Variants in RPH3AL observed in about 807,000 individuals in gnomAD.
RPH3AL encodes the protein rab effector Noc2.
A neutral mutation model predicts 43.1 loss-of-function variants in RPH3AL; 38 were observed. The observed-to-expected ratio is 0.88, with a 90% CI of 0.68 to 1.15. The LOEUF (loss-of-function observed/expected upper bound fraction) is 1.15. Ranked by LOEUF, RPH3AL falls within the 50% of genes most tolerant of loss-of-function variation. The pLI, the probability that RPH3AL is intolerant of heterozygous loss-of-function variation, is 0.00. For missense variants in RPH3AL, 462 were observed against 423.2 expected, an observed-to-expected ratio of 1.09 and a Z score of -0.81; for synonymous variants, 189 against 176.3, an observed-to-expected ratio of 1.07 and a Z score of -0.57.
At chr17:219,600 C>A in intron 8 of RPH3AL, 23 bp downstream of exon 8, 1 of 1,464,254 alleles carries the variant, frequency 6.8e-7, no homozygotes, top group Non-Finnish European at 9.5e-7. Flanking sequence ...GGCCAATAAG[C>A]AGCATTTCAC....
intron 7 of RPH3AL, among the ~76,000 whole-genome samples, chr17:241,954 T>TA (rs1300286612): frequency 6.6e-6 from 1 of 151,882 alleles, no homozygotes; most frequent in African/African-American, 2.4e-5. Context: ...CCGTCTCTAC[T>TA]AAAAATACAA....
chr17:223,582 T>C (rs920127003), intron 7 of RPH3AL, among the ~76,000 whole-genome samples: 1 of 152,198 alleles, frequency 6.6e-6, no homozygotes, highest in Non-Finnish European at 1.5e-5. Flanking sequence ...GCTAGCACGT[T>C]TCATCTGATC....
intron 7 of RPH3AL, among the ~76,000 whole-genome samples, chr17:220,219 A>G (rs1467008928): frequency 1.1e-4 from 16 of 148,254 alleles, no homozygotes; most frequent in South Asian, 2.2e-4. Context: ...GAGACAATAG[A>G]CCCAAAAACA....
chr17:316,503 C>T (rs1373005722), intron 5 of RPH3AL, among the ~76,000 whole-genome samples: 1 of 150,812 alleles, frequency 6.6e-6, no homozygotes, highest in Non-Finnish European at 1.5e-5. Flanking sequence ...CCTGTAGTCT[C>T]TGTGCTCCAC....
At chr17:341,397 C>G (rs755349908) in intron 1 of RPH3AL, 1 of 152,086 alleles carries the variant, frequency 6.6e-6, no homozygotes, top group South Asian at 2.1e-4. Flanking sequence ...CGAGACCATA[C>G]GACGGAGAAA....
At chr17:259,256 A>G (rs2042144538) in intron 6 of RPH3AL, among the ~76,000 whole-genome samples, 1 of 152,234 alleles carries the variant, frequency 6.6e-6, no homozygotes. Context: ...ACACAGGTGT[A>G]TCATCCAGTA....
intron 3 of RPH3AL, 176 bp from the exon 4 acceptor site, chr17:321,591 T>G: frequency 1.9e-6 from 1 of 539,844 alleles, no homozygotes; most frequent in Non-Finnish European, 2.9e-6. Context: ...ATGGCCCAGG[T>G]GGCAACAGAG....
At chr17:271,884 C>T (rs573393275) in intron 6 of RPH3AL, among the ~76,000 whole-genome samples, 251 of 152,182 alleles carry the variant, frequency 1.6e-3, no homozygotes, top group South Asian at 7.5e-3. Flanking sequence ...CCAGAATCTA[C>T]AAAGAACTTA....
chr17:224,719 G>A (rs2041066818), intron 7 of RPH3AL, among the ~76,000 whole-genome samples: 1 of 152,126 alleles, frequency 6.6e-6, no homozygotes, highest in Admixed American at 6.5e-5. Flanking sequence ...CAACCCAAAT[G>A]TCCATCAGTG....
In RPH3AL at chr17:247,147, C is replaced by G. The variant is rs147456712; in HGVS notation, c.577G>C (p.Glu193Gln). Residue 193 changes from glutamate to glutamine, a missense_variant, in exon 7 of 10, where the codon GAG (glutamate) becomes CAG (glutamine). Glu to Gln is a conservative substitution (Grantham distance 29). Coordinates refer to ENST00000331302, the MANE Select transcript of RPH3AL (RefSeq NM_006987.4). ...EPAEREPRSS[E>Q]TSRIYTWARG... ...GCCCACGTGTAGATGCGGCTGGTCT[C>G]AGAGCTTCTGGGCTCTCGCTCTGCC... The G allele has an allele frequency of 1.5e-5, 25 of 1,613,988 alleles. No individual in the cohort carries two copies. The African/African-American group carries it at 2.4e-4, about 16-fold the overall frequency.
intron 1 of RPH3AL, among the ~76,000 whole-genome samples, chr17:344,462 G>A (rs2045198855): frequency 8.6e-6 from 1 of 116,350 alleles, no homozygotes; most frequent in Admixed American, 8.1e-5. Flanking sequence ...CCACTATCAT[G>A]ACCATCACCC....
rs560489006 is a variant in RPH3AL, at chr17:284,282, G to A, written c.352-2428C>T. Among the ~76,000 whole-genome samples, 6 of 152,292 alleles carry A rather than the reference G, an allele frequency of 3.9e-5. 1 individual carries two copies. In the South Asian group the frequency reaches 1.2e-3, roughly 32 times the overall value. On this transcript the variant is annotated intron_variant, in intron 5 of 9. Transcript: ENST00000331302. ...GATGAAGGAACAAAGGCTCAGAGAT[G>A]ACTCGGGCTGCCCGAGGTCACACAG...
In RPH3AL at chr17:321,654, T is replaced by A. The variant is rs2044482366; in HGVS notation, c.78-239A>T. 1.4e-5 allele frequency: 7 copies of A among 490,386 alleles called. No homozygotes were observed. In the South Asian group the frequency reaches 2.2e-4, roughly 15 times the overall value. The allele number at this position is 490,386 out of a possible 1,614,324, so 30.4% of individuals were successfully genotyped here. A position where few individuals can be genotyped will look rare whatever the true frequency, so the allele number is the denominator to read the frequency against. On this transcript the variant is annotated intron_variant, in intron 3 of 9. Coordinates refer to ENST00000331302, the MANE Select transcript of RPH3AL (RefSeq NM_006987.4). The stretch of plus-strand genomic sequence containing the variant: ...CAGGTTCCGTGTGCCGGGGTTGGGA[T>A]TGCGGGCAACAGAGACGGGGCAGGT...
At position 246,439 on chromosome 17, in the gene RPH3AL, C is replaced by T. The variant is rs1433985843; in HGVS notation, c.613+672G>A. Among the ~76,000 whole-genome samples the T allele has an allele frequency of 1.3e-5, 2 of 152,174 alleles. No individual in the cohort carries two copies. The highest frequency in any genetic ancestry group is 6.5e-5 in the Admixed American group (1 of 15,284). On this transcript the variant is annotated intron_variant, in intron 7 of 9. Transcript: ENST00000331302. The surrounding 1 kb of genome is among the most constrained non-coding windows in gnomAD (Gnocchi z 4.8). ...ACCTGCCGAGGAAGTCCCTCCTCTT[C>T]TCTGAGCCGCAGGTACACCCATCTA...
rs138114872 is a variant in RPH3AL, at chr17:248,011, CCAG to C, written c.439-729_439-727del. On this transcript the variant is annotated intron_variant, in intron 6 of 9. Coordinates refer to ENST00000331302, the MANE Select transcript of RPH3AL (RefSeq NM_006987.4). Reference sequence around the variant, plus strand: ...CCACAAGTACCTGCAGGCACCTCACCCAGCCCCCAAGCTCTCCTCCCTGCCAGC... The same window carrying C: ...CCACAAGTACCTGCAGGCACCTCACCCCCCCAAGCTCTCCTCCCTGCCAGC... Among the ~76,000 whole-genome samples the C allele has an allele frequency of 9.2e-5, 14 of 152,250 alleles. No homozygotes were observed. The East Asian group carries it at 2.7e-3, about 29-fold the overall frequency.
intron 4 of RPH3AL, 152 bp downstream of exon 4, chr17:321,120 C>T (rs2044458078): frequency 2.1e-6 from 2 of 958,382 alleles, no homozygotes; most frequent in South Asian, 3.3e-5. Flanking sequence ...AGACAGAGCA[C>T]CCTTCAGCAA....
At chr17:314,441 C>T (rs1001708852) in intron 5 of RPH3AL, among the ~76,000 whole-genome samples, 6 of 122,048 alleles carry the variant, frequency 4.9e-5, no homozygotes, top group Non-Finnish European at 6.9e-5. Flanking sequence ...CCTCTGCCCC[C>T]ACCTCCATTG....
chr17:321,375 T>C lies in RPH3AL; in HGVS notation c.118A>G (p.Lys40Glu), dbSNP rs1312659265. 6.2e-7 allele frequency: 1 copy of C among 1,611,152 alleles called. No individual in the cohort carries two copies. Among genetic ancestry groups the C allele is most frequent in the Admixed American group, 1.7e-5 (1 of 60,006 alleles). ...CTGAGGTGCTGCTTCCTCCTCTGCTTCTCCGTCTGGTAGGTGTGCACGGAC... is the reference window on the plus strand; with the variant it reads ...CTGAGGTGCTGCTTCCTCCTCTGCTCCTCCGTCTGGTAGGTGTGCACGGAC... ...GWSVHTYQTE[K>E]QRRKQHLSPA... Residue 40 changes from lysine (K) to glutamate (E), a missense_variant, in exon 4 of 10, where the codon AAG (lysine) becomes GAG (glutamate). By Grantham distance (56) the Lys-to-Glu change is moderately conservative. Transcript: ENST00000331302.
chr17:298,852 T>A (rs112896354), intron 5 of RPH3AL, among the ~76,000 whole-genome samples: 1 of 152,044 alleles, frequency 6.6e-6, no homozygotes, highest in Non-Finnish European at 1.5e-5. Context: ...GGACCCTGGT[T>A]ATGCACAGAA....
Sources: gnomAD v4.1 joint callset for allele counts (sites outside exome capture counted in the v4.1 genomes callset) on GRCh38, gnomAD v4.1.1 for gene constraint, Gnocchi (gnomAD v3.1) non-coding constraint, MANE v1.5 for transcripts, NCBI Gene and HGNC (gene_info 2026-07-23, HGNC 2026-07-21) for gene names.